TYK2: variants seen among roughly 807,000 people sequenced by gnomAD.
TYK2 encodes the protein tyrosine kinase 2, also known as non-receptor tyrosine-protein kinase TYK2.
TYK2 carries 65 observed loss-of-function variants against 130.9 expected under a neutral mutation model. The ratio of observed to expected loss-of-function variants is 0.50; its 90% CI spans 0.41 to 0.61. The LOEUF is 0.61. Ranked by LOEUF, TYK2 falls within the 20% of genes least tolerant of loss-of-function variation. The probability of loss-of-function intolerance (pLI) is 0.00; values close to 1 mark genes in which losing one functional copy is unlikely to be tolerated. For missense variants in TYK2, 1,378 were observed against 1,610.7 expected, an observed-to-expected ratio of 0.86 and a Z score of 2.47; for synonymous variants, 647 against 658.9, an observed-to-expected ratio of 0.98 and a Z score of 0.28.
rs1023012644 is a variant in TYK2, at chr19:10,365,165, C to T, written c.1012-117G>A. ...GGGCCAGGCACCAACCTAGGTTGAC[C>T]TCCCAAGTCCCAGTGTCACAGGTGG... On this transcript the variant is annotated intron_variant, in intron 7 of 24. Coordinates refer to ENST00000525621, the MANE Select transcript of TYK2 (RefSeq NM_003331.5). The T allele has an allele frequency of 2.9e-5, 34 of 1,183,900 alleles. No individual in the cohort carries two copies. The Admixed American group carries it at 5.5e-4, about 19-fold the overall frequency. The allele number at this position is 1,183,900 out of a possible 1,614,324, so 73.3% of individuals were successfully genotyped here.
intron 5 of TYK2, 74 bp downstream of exon 5, chr19:10,367,981 G>T: frequency 6.4e-7 from 1 of 1,552,134 alleles, no homozygotes; most frequent in South Asian, 1.1e-5. Flanking sequence ...ATTGAATCAG[G>T]GAGGGAAATG....
intron 9 of TYK2, 133 bp from the exon 10 acceptor site, chr19:10,362,790 G>T: frequency 1.3e-6 from 1 of 751,718 alleles, no homozygotes; most frequent in South Asian, 1.6e-5. Context: ...AGCCACTCTT[G>T]TGGGGACACT....
chr19:10,375,822 G>A (rs2042094323), intron 3 of TYK2, among the ~76,000 whole-genome samples: 18 of 151,542 alleles, frequency 1.2e-4, no homozygotes, highest in Admixed American at 1.2e-3. Context: ...AGCTACTCGG[G>A]AGGCTGAGGC....
Position 10,365,869 on chromosome 19 carries a change from C to T in TYK2, c.659G>A (p.Arg220His), listed in dbSNP as rs561118378. ...SFKDCIPRSF[R>H]RHIRQHSALT... The stretch of plus-strand genomic sequence containing the variant: ...GGCGCTGTGCTGCCGGATATGCCGG[C>T]GGAAGGAGCGCGGGATGCAGTCCTT... The change falls in exon 7 of 25, where the codon CGC becomes CAC. Residue 220 changes from arginine to histidine, a missense_variant. Physicochemically the swap from Arg to His is conservative, Grantham distance 29. Coordinates refer to ENST00000525621, the MANE Select transcript of TYK2 (RefSeq NM_003331.5). 3.2e-5 allele frequency: 52 copies of T among 1,611,584 alleles called. No homozygotes were observed. The highest frequency in any genetic ancestry group is 3.1e-4 in the East Asian group (14 of 44,838).
Position 10,350,777 on chromosome 19 carries a change from G to C in TYK2, c.*57C>G, listed in dbSNP as rs2040758097. ...TTCATCCTGGAGCAGGGAGCAGGAG[G>C]CTCCCTCTGCAGCCACTGCCTGGTC... On this transcript the variant is annotated 3_prime_UTR_variant, in exon 25 of 25. Transcript: ENST00000525621. The C allele has an allele frequency of 1.2e-6, 2 of 1,603,472 alleles. No individual in the cohort carries two copies. Among genetic ancestry groups the C allele is most frequent in the Non-Finnish European group, 8.5e-7 (1 of 1,175,434 alleles).
At chr19:10,357,549 C>A (rs1471960244) in intron 17 of TYK2, 1 of 735,920 alleles carries the variant, frequency 1.4e-6, no homozygotes, top group Non-Finnish European at 2.4e-6. Flanking sequence ...AAGTCTCTTA[C>A]TTGCCTTCTG....
In TYK2 at chr19:10,352,284, G is replaced by C. The variant is rs12720326; in HGVS notation, c.3318+150C>G. The C allele has an allele frequency of 0.12, 84,803 of 683,432 alleles. 5,691 individuals are homozygous for C. Among genetic ancestry groups the C allele is most frequent in the Non-Finnish European group, 0.14 (53,606 of 377,648 alleles). 42.3% of individuals were successfully genotyped at this position (683,432 alleles called of 1,614,324 possible). On this transcript the variant is annotated intron_variant, in intron 23 of 24. Transcript: ENST00000525621. ...GAGACGGGTTTCACCGTGTTAGCCAGGTTGGTCTCGATCTCCTGACCTCGT... is the reference window on the plus strand; with the variant it reads ...GAGACGGGTTTCACCGTGTTAGCCACGTTGGTCTCGATCTCCTGACCTCGT...
chr19:10,363,844 G>A (rs920067528), intron 9 of TYK2, among the ~76,000 whole-genome samples: 5 of 152,194 alleles, frequency 3.3e-5, no homozygotes, highest in Non-Finnish European at 5.9e-5. Flanking sequence ...CTTGACAGCA[G>A]GCACGGCCAC....
chr19:10,370,377 G>C (rs2041862530), intron 3 of TYK2, among the ~76,000 whole-genome samples: 1 of 151,466 alleles, frequency 6.6e-6, no homozygotes, highest in African/African-American at 2.4e-5. Flanking sequence ...GGCTGGCCAT[G>C]GTGGGGTGCA....
Position 10,364,836 on chromosome 19 carries a change from T to C in TYK2, c.1209+15A>G. The C allele has an allele frequency of 1.9e-6, 3 of 1,614,014 alleles. No homozygotes were observed. Among genetic ancestry groups the C allele is most frequent in the African/African-American group, 2.7e-5 (2 of 75,072 alleles). The stretch of plus-strand genomic sequence containing the variant: ...CCATGATGGGCCCTAGCCCAGCCCC[T>C]ACCCTGGGCCTCACCAGGCACTTGT... On this transcript the variant is annotated intron_variant, in intron 8 of 24. Coordinates refer to ENST00000525621, the MANE Select transcript of TYK2 (RefSeq NM_003331.5). This position sits in a 1 kb window ranked among gnomAD's most constrained non-coding sequence, Gnocchi z 4.9.
At chr19:10,365,442 T>C in intron 7 of TYK2, 75 bp downstream of exon 7, 1 of 1,600,498 alleles carries the variant, frequency 6.2e-7, no homozygotes, top group Admixed American at 1.7e-5. Context: ...CCTCAGAGGC[T>C]AGGGTCAAGG....
chr19:10,350,707 G>T lies in TYK2; in HGVS notation c.*127C>A. The T allele has an allele frequency of 8.6e-7, 1 of 1,169,024 alleles. No homozygotes were observed. The highest frequency in any genetic ancestry group is 1.2e-6 in the Non-Finnish European group (1 of 816,830). The allele number at this position is 1,169,024 out of a possible 1,614,324, so 72.4% of individuals were successfully genotyped here. A position where few individuals can be genotyped will look rare whatever the true frequency, so the allele number is the denominator to read the frequency against. ...TCACAGAGGTGGGGTCTCTAGACAG[G>T]AGTAAGGCACACGGTGTGGGTGAGG... is the stretch of plus-strand genomic sequence containing the variant. On this transcript the variant is annotated 3_prime_UTR_variant, in exon 25 of 25. Transcript: ENST00000525621.
At position 10,358,084 on chromosome 19, in the gene TYK2, G is replaced by C. The variant is rs142676100; in HGVS notation, c.2230C>G (p.Arg744Gly). 6.2e-7 allele frequency: 1 copy of C among 1,612,670 alleles called. No homozygotes were observed. Among genetic ancestry groups the C allele is most frequent in the Non-Finnish European group, 8.5e-7 (1 of 1,179,684 alleles). ...CTGGTGCCCTCTGCCAACCCCAGCC[G>C]GGCCAGCAGGATGTTCCGGCCACAC... Reference protein sequence around the residue: ...NVCGRNILLARLGLAEGTSPF... With the variant: ...NVCGRNILLAGLGLAEGTSPF... The change falls in exon 16 of 25, where the codon CGG (arginine) becomes GGG (glycine). Residue 744 changes from arginine to glycine, a missense_variant. By Grantham distance (125) the Arg-to-Gly change is moderately radical. Transcript: ENST00000525621.
chr19:10,361,431 GGTT>G lies in TYK2; in HGVS notation c.2047+77_2047+79del. 1 of 1,371,580 alleles carries G rather than the reference GGTT, an allele frequency of 7.3e-7. No homozygotes were observed. The highest frequency in any genetic ancestry group is 1.0e-6 in the Non-Finnish European group (1 of 995,718). The allele number at this position is 1,371,580 out of a possible 1,614,324, so 85.0% of individuals were successfully genotyped here. A position where few individuals can be genotyped will look rare whatever the true frequency, so the allele number is the denominator to read the frequency against. On this transcript the variant is annotated intron_variant, in intron 14 of 24. Transcript: ENST00000525621. The surrounding 1 kb of genome is among the most constrained non-coding windows in gnomAD (Gnocchi z 4.0). ...GGCATAGGTTGGGGTGTAGGTCGAG[GGTT>G]GGGGTACAGATCAGGGAGTGGGTAT...
chr19:10,365,919 G>C (rs766168033), intron 6 of TYK2, 21 bp from the exon 7 acceptor site: 2 of 1,587,342 alleles, frequency 1.3e-6, no homozygotes, highest in South Asian at 2.3e-5. Flanking sequence ...ACACAGTGAG[G>C]GGCTGGTCAG....
Position 10,354,143 on chromosome 19 carries a change from C to A in TYK2, c.2807G>T (p.Cys936Phe). 1 of 1,614,042 alleles carries A rather than the reference C, an allele frequency of 6.2e-7. No homozygotes were observed. The highest frequency in any genetic ancestry group is 8.5e-7 in the Non-Finnish European group (1 of 1,180,026). Residue 936 changes from cysteine to phenylalanine, a missense_variant, in exon 20 of 25, where the codon TGC becomes TTC. Cys to Phe is a radical substitution (Grantham distance 205). Coordinates refer to ENST00000525621, the MANE Select transcript of TYK2 (RefSeq NM_003331.5). ...CCAGCCCGAGCGGTGCTGGGGGCCG[C>A]AGTCTGCCTTGAGGGCTTTCACCGC... ...MVAVKALKAD[C>F]GPQHRSGWKQ...
Position 10,353,092 on chromosome 19 carries a change from C to A in TYK2, c.3034G>T (p.Ala1012Ser). 6.5e-7 allele frequency: 1 copy of A among 1,536,098 alleles called. No homozygotes were observed. The highest frequency in any genetic ancestry group is 8.8e-7 in the Non-Finnish European group (1 of 1,137,706). ...ATGTAGTGCTGCGCGTGCAGATAGG[C>A]CATGCCCTGGGGACGGGGCAGGGCT... ...LFAQQICEGMAYLHAQHYIHR... is the reference protein window; with the variant it reads ...LFAQQICEGMSYLHAQHYIHR... Residue 1012 changes from alanine (A) to serine (S), a missense_variant, in exon 22 of 25, where the codon GCC (alanine) becomes TCC (serine). Transcript: ENST00000525621. This position sits in a 1 kb window ranked among gnomAD's most constrained non-coding sequence, Gnocchi z 6.9.
chr19:10,358,163 T>G (rs367993657), intron 15 of TYK2, 25 bp from the exon 16 acceptor site: 92 of 1,591,534 alleles, frequency 5.8e-5, no homozygotes, highest in Non-Finnish European at 7.7e-5. Flanking sequence ...AGAGGGGGTG[T>G]GGCCACTCAG....
At chr19:10,358,171 C>A (rs1334044339) in intron 15 of TYK2, 33 bp from the exon 16 acceptor site, 6 of 1,583,718 alleles carry the variant, frequency 3.8e-6, no homozygotes, top group Non-Finnish European at 5.2e-6. Context: ...TGTGGCCACT[C>A]AGGAGAGGCA....
Sources: allele counts gnomAD v4.1 joint callset (sites outside exome capture counted in the v4.1 genomes callset), GRCh38; gene constraint gnomAD v4.1.1; non-coding constraint Gnocchi (gnomAD v3.1); transcripts MANE v1.5; gene names NCBI Gene and HGNC (gene_info 2026-07-23, HGNC 2026-07-21).